The following CEP89 variants were observed in gnomAD, a reference collection of about 807,000 sequenced individuals.
CEP89 encodes centrosomal protein 89, also known as centrosomal protein of 89 kDa.
Under a neutral mutation model 97.6 loss-of-function variants are expected in CEP89, and 95 were observed. The observed-to-expected ratio is 0.97, with a 90% CI of 0.82 to 1.15. The LOEUF (loss-of-function observed/expected upper bound fraction) is 1.15, where lower values mean the gene tolerates loss of function less well. CEP89 is among the 50% of genes most tolerant of loss of function. The pLI is 0.00. For synonymous variants in CEP89, 354 were observed against 349.1 expected (o/e 1.01, Z -0.16); for missense variants, 869 against 947.7 (o/e 0.92, Z 1.09).
rs1970354438 is a variant in CEP89 at position 32,926,225 on chromosome 19, T to C, written c.1129A>G (p.Met377Val). 4.3e-6 allele frequency: 7 copies of C among 1,613,860 alleles called. No homozygotes were observed. The highest frequency in any genetic ancestry group is 5.1e-6 in the Non-Finnish European group (6 of 1,179,770). Residue 377 changes from methionine to valine, a missense_variant, in exon 11 of 19, where the codon ATG becomes GTG. Met to Val is a conservative substitution (Grantham distance 21). Coordinates refer to ENST00000305768, the MANE Select transcript of CEP89 (RefSeq NM_032816.5). ...GCATTGAGCTCGTCCTTCTCTTTCATCATATCTTCATAAGCCAGCAACAAT... is the reference window on the plus strand; with the variant it reads ...GCATTGAGCTCGTCCTTCTCTTTCACCATATCTTCATAAGCCAGCAACAAT... Reference protein sequence around the residue: ...SPLLLAYEDMMKEKDELNATL... With the variant: ...SPLLLAYEDMVKEKDELNATL...
chr19:32,907,223 C>T (rs145831372), intron 14 of CEP89, among the ~76,000 whole-genome samples: 341 of 152,196 alleles, frequency 2.2e-3, no homozygotes, highest in African/African-American at 8.0e-3. Flanking sequence ...TAGCCCCGCA[C>T]GATGGCGCGT....
At chr19:32,969,948 A>G (rs1971364200) in intron 1 of CEP89, 1 of 152,176 alleles carries the variant, frequency 6.6e-6, no homozygotes, top group African/African-American at 2.4e-5. Flanking sequence ...CGGGGCTTCC[A>G]CCGGCTCCAT....
intron 15 of CEP89, among the ~76,000 whole-genome samples, chr19:32,900,274 C>T (rs1969737801): frequency 2.3e-5 from 3 of 133,110 alleles, no homozygotes; most frequent in Non-Finnish European, 1.6e-5. Context: ...GAGACACAGT[C>T]TTGCTCTGTC....
At chr19:32,896,480 T>C (rs1194100406) in intron 16 of CEP89, among the ~76,000 whole-genome samples, 1 of 152,142 alleles carries the variant, frequency 6.6e-6, no homozygotes, top group Non-Finnish European at 1.5e-5. Flanking sequence ...CACAATGGTT[T>C]AAAGACTTAA....
At chr19:32,954,663 ATTATTG>A (rs1435214388) in intron 3 of CEP89, among the ~76,000 whole-genome samples, 2 of 148,864 alleles carry the variant, frequency 1.3e-5, no homozygotes, top group Non-Finnish European at 3.0e-5. Context: ...TGTTGTTATT[ATTATTG>A]TTATTATTAT....
chr19:32,926,334 T>G, intron 10 of CEP89, 61 bp from the exon 11 acceptor site: 1 of 1,188,302 alleles, frequency 8.4e-7, no homozygotes, highest in Non-Finnish European at 1.2e-6. Context: ...AACCAGAAAA[T>G]TTTTAAATGG....
chr19:32,929,611 AAAAG>A (rs1392607068), intron 9 of CEP89, among the ~76,000 whole-genome samples: 1 of 151,840 alleles, frequency 6.6e-6, no homozygotes, highest in African/African-American at 2.4e-5. Flanking sequence ...TAAAAAAAAA[AAAAG>A]AGAGAGAGAG....
rs1288910708 is a variant in CEP89, at chr19:32,878,903, C to T, written c.*259G>A. On this transcript the variant is annotated 3_prime_UTR_variant, in exon 19 of 19. Coordinates refer to ENST00000305768, the MANE Select transcript of CEP89 (RefSeq NM_032816.5). ...GGATCTCAAACATGTTTGAGGCTGC[C>T]GTGAGCTATGATTGCACCACTGTAC... The T allele has an allele frequency of 2.9e-5, 10 of 344,662 alleles. No individual in the cohort carries two copies. The highest frequency in any genetic ancestry group is 1.8e-4 in the Admixed American group (4 of 22,392). The allele number at this position is 344,662 out of a possible 1,614,324, so 21.4% of individuals were successfully genotyped here.
intron 1 of CEP89, chr19:32,971,533 T>C (rs1022113434): frequency 7.0e-6 from 4 of 569,200 alleles, no homozygotes; most frequent in African/African-American, 5.6e-5. Context: ...GGCGCGCGCC[T>C]GTAGTCTCAG....
At chr19:32,913,114 A>G (rs1031072449) in intron 14 of CEP89, among the ~76,000 whole-genome samples, 2 of 148,040 alleles carry the variant, frequency 1.4e-5, no homozygotes, top group Non-Finnish European at 3.0e-5. Flanking sequence ...TATATAAAAT[A>G]TTCATATATA....
rs1263901324 is a variant in CEP89 at position 32,913,304 on chromosome 19, TATTTTTTTG to T, written c.1565+2024_1565+2032del. 5.6e-4 allele frequency among the ~76,000 whole-genome samples: 66 copies of T among 118,166 alleles called. No homozygotes were observed. In the South Asian group the frequency reaches 0.014, roughly 25 times the overall value. 77.5% of individuals were successfully genotyped at this position (118,166 alleles called of 152,430 possible). ...AATAGCCACCATATATATATATATA[TATTTTTTTG>T]TTGTTGTTGTTGTTGTTGTTGTTGT... On this transcript the variant is annotated intron_variant, in intron 14 of 18. Coordinates refer to ENST00000305768, the MANE Select transcript of CEP89 (RefSeq NM_032816.5).
At chr19:32,914,422 G>A (rs1970077198) in intron 14 of CEP89, among the ~76,000 whole-genome samples, 1 of 151,844 alleles carries the variant, frequency 6.6e-6, no homozygotes, top group Non-Finnish European at 1.5e-5. Context: ...ACCACGCCTG[G>A]CTAGTTTTTG....
At chr19:32,961,528 G>A (rs183436120) in intron 2 of CEP89, among the ~76,000 whole-genome samples, 5 of 140,978 alleles carry the variant, frequency 3.5e-5, no homozygotes, top group Admixed American at 1.5e-4. Context: ...GCAGTGAGCC[G>A]AGATCGCGCC....
At chr19:32,897,865 A>G (rs1969676508) in intron 16 of CEP89, among the ~76,000 whole-genome samples, 1 of 152,160 alleles carries the variant, frequency 6.6e-6, no homozygotes, top group Non-Finnish European at 1.5e-5. Context: ...CCTGGCCTGA[A>G]ATTTTACTTT....
In CEP89 at chr19:32,892,147, T is replaced by C. The variant is rs868529367; in HGVS notation, c.1876-4306A>G. 6.3e-3 allele frequency among the ~76,000 whole-genome samples: 867 copies of C among 136,708 alleles called. 14 individuals carry two copies. The highest frequency in any genetic ancestry group is 0.025 in the African/African-American group (769 of 31,276). The allele number at this position is 136,708 out of a possible 152,430, so 89.7% of individuals were successfully genotyped here. On this transcript the variant is annotated intron_variant, in intron 16 of 18. Coordinates refer to ENST00000305768, the MANE Select transcript of CEP89 (RefSeq NM_032816.5). ...ATTTAGACATATATATTTAGACATATATATATTTAGACATACATATATTTA... is the reference window on the plus strand; with the variant it reads ...ATTTAGACATATATATTTAGACATACATATATTTAGACATACATATATTTA...
intron 16 of CEP89, among the ~76,000 whole-genome samples, chr19:32,899,611 G>A (rs1040830399): frequency 1.3e-4 from 20 of 152,210 alleles, no homozygotes; most frequent in African/African-American, 4.6e-4. Context: ...TTATAATGGT[G>A]TAAAAGCAAT....
At chr19:32,946,226 T>G (rs1970794760) in intron 5 of CEP89, among the ~76,000 whole-genome samples, 1 of 152,170 alleles carries the variant, frequency 6.6e-6, no homozygotes. Context: ...CTCAGCCTCC[T>G]GCATAGCTGG....
chr19:32,895,250 AC>A (rs1263774062), intron 16 of CEP89, among the ~76,000 whole-genome samples: 6 of 152,180 alleles, frequency 3.9e-5, no homozygotes, highest in Non-Finnish European at 5.9e-5. Context: ...ACCAAATTCA[AC>A]AGTACATCAA....
intron 8 of CEP89, 98 bp downstream of exon 8, chr19:32,933,353 T>C (rs1599754446): frequency 1.1e-6 from 1 of 942,688 alleles, no homozygotes; most frequent in East Asian, 2.4e-5. Context: ...ACAACATAAA[T>C]TACCAACACA....
Sources: allele counts gnomAD v4.1 joint callset (sites outside exome capture counted in the v4.1 genomes callset), GRCh38; gene constraint gnomAD v4.1.1; transcripts MANE v1.5; gene names NCBI Gene and HGNC (gene_info 2026-07-23, HGNC 2026-07-21).